The following ELMO3 variants were observed in gnomAD, a reference collection of about 807,000 sequenced individuals.
ELMO3 encodes engulfment and cell motility 3.
Under a neutral mutation model 89.0 loss-of-function variants are expected in ELMO3, and 81 were observed. That is an observed-to-expected ratio of 0.91 (90% CI 0.76 to 1.09). ELMO3 has a LOEUF of 1.09. Ranked by LOEUF, ELMO3 falls within the 50% of genes least tolerant of loss-of-function variation. The pLI, the probability that ELMO3 is intolerant of heterozygous loss-of-function variation, is 0.00. For synonymous variants in ELMO3, 406 were observed against 400.6 expected (o/e 1.01, Z -0.16); for missense variants, 959 against 972.8 (o/e 0.99, Z 0.19).
At chr16:67,201,304 G>A (rs992505155) in intron 8 of ELMO3, 81 bp from the exon 9 acceptor site, 105 of 1,534,474 alleles carry the variant, frequency 6.8e-5, no homozygotes, top group Admixed American at 1.4e-4. Flanking sequence ...TGATCCGCCC[G>A]CCTTGGCCTC....
At position 67,201,577 on chromosome 16, in the gene ELMO3, C is replaced by G; in HGVS notation, c.853C>G (p.Leu285Val). ...CGAGATGGCTCATCACCTGTACGTA[C>G]TGCAGGCTCTCATGCTGGGGCTGCT... The part of the protein sequence containing the change: ...GDEMAHHLYV[L>V]QALMLGLLEP... Residue 285 changes from leucine to valine, a missense_variant, in exon 10 of 20, where the codon CTG becomes GTG. Leu to Val is a conservative substitution (Grantham distance 32). Transcript: ENST00000393997. 6.2e-7 allele frequency: 1 copy of G among 1,614,010 alleles called. No homozygotes were observed. The highest frequency in any genetic ancestry group is 8.5e-7 in the Non-Finnish European group (1 of 1,180,038).
At chr16:67,200,069 C>A in intron 4 of ELMO3, 68 bp downstream of exon 4, 1 of 1,570,494 alleles carries the variant, frequency 6.4e-7, no homozygotes, top group Non-Finnish European at 8.6e-7. Context: ...GCCCCCCGCC[C>A]CGGAGGCCCC....
intron 2 of ELMO3, 36 bp from the exon 3 acceptor site, chr16:67,199,647 GC>G: frequency 6.2e-7 from 1 of 1,607,324 alleles, no homozygotes; most frequent in East Asian, 2.2e-5. Flanking sequence ...GAGGGGCGGC[GC>G]CCCCTGCCGG....
Position 67,200,508 on chromosome 16 carries a change from C to G in ELMO3, c.471C>G (p.Gly157=). Reference sequence around the variant, plus strand: ...CCTTCTCAGAGCTCATGGAGCACGGCGTGGTGTCCTGGGAGACTCTGAGCA... The same window carrying G: ...CCTTCTCAGAGCTCATGGAGCACGGGGTGGTGTCCTGGGAGACTCTGAGCA... ...LRAFSELMEH[G]VVSWETLSIP... Residue 157 remains glycine (G), a synonymous_variant, in exon 6 of 20, where the codon GGC becomes GGG. Coordinates refer to ENST00000393997, the MANE Select transcript of ELMO3 (RefSeq NM_024712.5). 1 of 1,613,656 alleles carries G rather than the reference C, an allele frequency of 6.2e-7. No homozygotes were observed. The highest frequency in any genetic ancestry group is 8.5e-7 in the Non-Finnish European group (1 of 1,179,964).
In ELMO3 at chr16:67,202,910, G is replaced by A. The variant is rs761863317; in HGVS notation, c.1581G>A (p.Leu527=). The change falls in exon 16 of 20, where the codon CTG becomes CTA. Residue 527 remains leucine (L), a synonymous_variant. Transcript: ENST00000393997. ...APPILELREK[L]KPELMGLIRQ... ...CTATCAGGGAGCTGCGGGAGAAGCT[G>A]AAGCCAGAGCTCATGGGCCTGATCC... The A allele has an allele frequency of 6.2e-7, 1 of 1,612,302 alleles. No homozygotes were observed. The highest frequency in any genetic ancestry group is 1.6e-4 in the Middle Eastern group (1 of 6,062).
chr16:67,203,224 G>C lies in ELMO3; in HGVS notation c.1780+1G>C, dbSNP rs767397701. The C allele has an allele frequency of 1.9e-6, 3 of 1,606,028 alleles. No homozygotes were observed. The highest frequency in any genetic ancestry group is 1.7e-6 in the Non-Finnish European group (2 of 1,178,786). On this transcript the variant is annotated splice_donor_variant, in intron 17 of 19. Transcript: ENST00000393997. LOFTEE classifies it high-confidence loss of function. The surrounding 1 kb of genome is among the most constrained non-coding windows in gnomAD (Gnocchi z 4.6). Reference sequence around the variant, plus strand: ...ACCCTGGAGAGTCTGCCCGAGCAACGTAAGGCGGGCAGGGGCGGGGGCCAG... The same window carrying C: ...ACCCTGGAGAGTCTGCCCGAGCAACCTAAGGCGGGCAGGGGCGGGGGCCAG...
chr16:67,200,335 A>G lies in ELMO3; in HGVS notation c.387A>G (p.Leu129=), dbSNP rs549598699. The G allele has an allele frequency of 1.8e-4, 298 of 1,613,912 alleles. 3 individuals carry two copies. The Admixed American group carries it at 4.9e-3, about 27-fold the overall frequency. Reference sequence around the variant, plus strand: ...TCAGCCGTAATGGGCTCCAGATACTAGGCACCATCATTGAAGATGGGGACG... The same window carrying G: ...TCAGCCGTAATGGGCTCCAGATACTGGGCACCATCATTGAAGATGGGGACG... ...EVISRNGLQI[L]GTIIEDGDDL... The change falls in exon 5 of 20, where the codon CTA becomes CTG. Residue 129 remains leucine (L), a synonymous_variant. Coordinates refer to ENST00000393997, the MANE Select transcript of ELMO3 (RefSeq NM_024712.5).
Position 67,203,292 on chromosome 16 carries a change from G to C in ELMO3, c.1781-35G>C, listed in dbSNP as rs1203016934. On this transcript the variant is annotated intron_variant, in intron 17 of 19. Coordinates refer to ENST00000393997, the MANE Select transcript of ELMO3 (RefSeq NM_024712.5). This position sits in a 1 kb window ranked among gnomAD's most constrained non-coding sequence, Gnocchi z 4.6. The stretch of plus-strand genomic sequence containing the variant: ...ACCGCCCTGGGCCCCGGGGCTGCCA[G>C]GGCTGCAGTGCTCAGCCCAGCCTTC... 5.0e-6 allele frequency: 8 copies of C among 1,588,924 alleles called. No individual in the cohort carries two copies. The highest frequency in any genetic ancestry group is 6.8e-6 in the Non-Finnish European group (8 of 1,171,502).
At chr16:67,200,111 A>G in intron 4 of ELMO3, 81 bp from the exon 5 acceptor site, 1 of 1,494,750 alleles carries the variant, frequency 6.7e-7, no homozygotes, top group Non-Finnish European at 9.0e-7. Context: ...CACCTAGTTG[A>G]CGCCCGGGGC....
In ELMO3 at chr16:67,202,029, T is replaced by C. The variant is rs754622239; in HGVS notation, c.1103T>C (p.Leu368Pro). The change falls in exon 12 of 20, where the codon CTG becomes CCG. Residue 368 changes from leucine to proline, a missense_variant. Leu to Pro is a moderately conservative substitution (Grantham distance 98). Transcript: ENST00000393997. ...CGCGTGCCCCCCGGTCTGCTGGCCC[T>C]GGACAACATGTTGTACTTCTCCAGA... ...LERVPPGLLA[L>P]DNMLYFSRNA... The C allele has an allele frequency of 1.1e-5, 17 of 1,611,764 alleles. No individual in the cohort carries two copies. In the East Asian group the frequency reaches 1.1e-4, roughly 11 times the overall value.
intron 8 of ELMO3, 90 bp from the exon 9 acceptor site, chr16:67,201,295 G>A (rs1278548017): frequency 6.5e-7 from 1 of 1,542,920 alleles, no homozygotes; most frequent in Non-Finnish European, 8.8e-7. Flanking sequence ...CTGACCTCGT[G>A]ATCCGCCCGC....
rs2033175318 is a variant in ELMO3, at chr16:67,203,472, T to C, written c.1864-25T>C. 1 of 1,602,216 alleles carries C rather than the reference T, an allele frequency of 6.2e-7. No homozygotes were observed. Among genetic ancestry groups the C allele is most frequent in the Non-Finnish European group, 8.5e-7 (1 of 1,170,960 alleles). On this transcript the variant is annotated intron_variant, in intron 18 of 19. Transcript: ENST00000393997. The surrounding 1 kb of genome is among the most constrained non-coding windows in gnomAD (Gnocchi z 4.6). ...CCCGCCTACCCTGTCCCCTGCTCAGTGTCCCCGCTCCCTTGCTTCCCCAGG... is the reference window on the plus strand; with the variant it reads ...CCCGCCTACCCTGTCCCCTGCTCAGCGTCCCCGCTCCCTTGCTTCCCCAGG...
At position 67,201,552 on chromosome 16, in the gene ELMO3, C is replaced by T. The variant is rs748194145; in HGVS notation, c.828C>T (p.Asp276=). The T allele has an allele frequency of 8.1e-5, 130 of 1,613,942 alleles. No homozygotes were observed. Among genetic ancestry groups the T allele is most frequent in the Admixed American group, 1.5e-4 (9 of 59,996 alleles). The stretch of plus-strand genomic sequence containing the variant: ...TCCACAGTGCAGCACCAATGGGCGA[C>T]GAGATGGCTCATCACCTGTACGTAC... ...NIIHSAAPMG[D]EMAHHLYVLQ... Residue 276 remains aspartate, a synonymous_variant, in exon 10 of 20, where the codon GAC becomes GAT. Coordinates refer to ENST00000393997, the MANE Select transcript of ELMO3 (RefSeq NM_024712.5).
chr16:67,202,589 C>T (rs767684726), intron 14 of ELMO3, 38 bp from the exon 15 acceptor site: 2 of 1,612,704 alleles, frequency 1.2e-6, no homozygotes, highest in South Asian at 1.1e-5. Flanking sequence ...GATCTGGGTA[C>T]AGAGCTTAGG....
chr16:67,199,620 G>T, intron 2 of ELMO3, 27 bp downstream of exon 2: 1 of 1,607,958 alleles, frequency 6.2e-7, no homozygotes, highest in Non-Finnish European at 8.5e-7. Flanking sequence ...CAGGGCCTGC[G>T]GAGGGCGGGA....
rs763519840 is a variant in ELMO3, at chr16:67,199,252, C to T, written c.-75C>T. 1.9e-6 allele frequency: 3 copies of T among 1,611,572 alleles called. No individual in the cohort carries two copies. The highest frequency in any genetic ancestry group is 1.3e-5 in the African/African-American group (1 of 75,030). On this transcript the variant is annotated 5_prime_UTR_variant, in exon 1 of 20. Coordinates refer to ENST00000393997, the MANE Select transcript of ELMO3 (RefSeq NM_024712.5). ...GGGAGGACCTCCTCGTCCCCAGGGG[C>T]CCCAGGCCAGGTGCACCCTTGGCCG... is the stretch of plus-strand genomic sequence containing the variant.
At chr16:67,201,346 C>T (rs200661466) in intron 8 of ELMO3, 39 bp from the exon 9 acceptor site, 37 of 1,612,658 alleles carry the variant, frequency 2.3e-5, no homozygotes, top group African/African-American at 4.0e-5. Flanking sequence ...CGTGAGCCAC[C>T]GCGCCCAGCC....
chr16:67,200,716 G>A lies in ELMO3; in HGVS notation c.573G>A (p.Gly191=), dbSNP rs1210163014. 4 of 1,613,546 alleles carry A rather than the reference G, an allele frequency of 2.5e-6. No individual in the cohort carries two copies. The highest frequency in any genetic ancestry group is 2.7e-5 in the African/African-American group (2 of 74,922). ...MDASVPPLAL[G]LLESVTLSSP... ...CCTCCGTGCCTCCCCTGGCCCTTGG[G>A]CTGCTGGAGAGTGTGACCTTGAGCA... The change falls in exon 7 of 20, where the codon GGG becomes GGA. Residue 191 remains glycine, a synonymous_variant. Coordinates refer to ENST00000393997, the MANE Select transcript of ELMO3 (RefSeq NM_024712.5).
chr16:67,203,150 C>T lies in ELMO3; in HGVS notation c.1707C>T (p.Asn569=), dbSNP rs2033164687. Residue 569 remains asparagine (N), a synonymous_variant, in exon 17 of 20, where the codon AAC becomes AAT. Transcript: ENST00000393997. This position sits in a 1 kb window ranked among gnomAD's most constrained non-coding sequence, Gnocchi z 4.6. ...TGTGGTTCTGCTGCCTGTCCCCCAACCACAAGCTGCTGCAGTACGGAGACA... is the reference window on the plus strand; with the variant it reads ...TGTGGTTCTGCTGCCTGTCCCCCAATCACAAGCTGCTGCAGTACGGAGACA... ...DKLWFCCLSP[N]HKLLQYGDME... The T allele has an allele frequency of 6.2e-7, 1 of 1,612,388 alleles. No individual in the cohort carries two copies. Among genetic ancestry groups the T allele is most frequent in the South Asian group, 1.1e-5 (1 of 90,958 alleles).
Sources: gnomAD v4.1 joint callset for allele counts on GRCh38, gnomAD v4.1.1 for gene constraint, Gnocchi (gnomAD v3.1) non-coding constraint, MANE v1.5 for transcripts, NCBI Gene and HGNC (gene_info 2026-07-23, HGNC 2026-07-21) for gene names.